The following PHACTR4 variants were observed in gnomAD, a reference collection of about 807,000 sequenced individuals.
PHACTR4 encodes the protein phosphatase and actin regulator 4.
In PHACTR4, 51 loss-of-function variants were observed where a neutral mutation model predicts 72.7. The observed-to-expected ratio is 0.70, with a 90% CI of 0.56 to 0.89. PHACTR4 has a LOEUF of 0.89. Ranked by LOEUF, PHACTR4 falls within the 40% of genes least tolerant of loss-of-function variation. The pLI is 0.00. For missense variants in PHACTR4, 731 were observed against 861.8 expected (o/e 0.85, Z 1.90); for synonymous variants, 255 against 302.5 (o/e 0.84, Z 1.63).
chr1:28,476,285 T>C lies in PHACTR4; in HGVS notation c.1600T>C (p.Tyr534His), dbSNP rs1659913821. ...AGATGAAGAAGATGAAGATGAAAGC[T>C]ATCAGAGTAAGAAAGGGAGGGAAAA... ...YRDEEDEDES[Y>H]QSALANKVKR... is the part of the protein sequence containing the mutation. Residue 534 changes from tyrosine (Y) to histidine (H), a missense_variant, in exon 8 of 14, where the codon TAT (tyrosine) becomes CAT (histidine). Physicochemically the swap from Tyr to His is moderately conservative, Grantham distance 83. Coordinates refer to ENST00000373839, the MANE Select transcript of PHACTR4 (RefSeq NM_001048183.3). 2 of 1,593,692 alleles carry C rather than the reference T, an allele frequency of 1.3e-6. No homozygotes were observed. Among genetic ancestry groups the C allele is most frequent in the Non-Finnish European group, 1.7e-6 (2 of 1,173,814 alleles).
intron 2 of PHACTR4, chr1:28,438,506 T>C (rs938812997): frequency 5.9e-6 from 9 of 1,523,056 alleles, no homozygotes; most frequent in Middle Eastern, 1.7e-4. Flanking sequence ...TGAGTATTTA[T>C]GTGAAGTTAA....
At chr1:28,385,406 T>G (rs1010406261) in intron 1 of PHACTR4, among the ~76,000 whole-genome samples, 1 of 151,714 alleles carries the variant, frequency 6.6e-6, no homozygotes, top group African/African-American at 2.4e-5. Flanking sequence ...TAGCCAGGCA[T>G]GGTGGTGCAT....
chr1:28,387,252 C>A (rs1172577720), intron 1 of PHACTR4, among the ~76,000 whole-genome samples: 1 of 131,922 alleles, frequency 7.6e-6, no homozygotes. Context: ...AGAGCGAGAC[C>A]CTGTCTCAAA....
At chr1:28,441,850 A>C (rs1657057745) in intron 2 of PHACTR4, among the ~76,000 whole-genome samples, 1 of 151,938 alleles carries the variant, frequency 6.6e-6, no homozygotes, top group South Asian at 2.1e-4. Context: ...AAATTTAGCC[A>C]CTGTGGTGGT....
Position 28,474,151 on chromosome 1 carries a change from T to C in PHACTR4, c.1421T>C (p.Val474Ala), listed in dbSNP as rs1281687068. Residue 474 changes from valine (V) to alanine (A), a missense_variant and splice_region_variant, in exon 7 of 14, where the codon GTT becomes GCT. Coordinates refer to ENST00000373839, the MANE Select transcript of PHACTR4 (RefSeq NM_001048183.3). ...CCCATCACTATTGAAATGCTAAAAG[T>C]GTAAGTGCCTTTAAAGCTTGCCTCT... ...SLPITIEMLKVPDDEEEEEQT... is the reference protein window; with the variant it reads ...SLPITIEMLKAPDDEEEEEQT... 1 of 1,601,672 alleles carries C rather than the reference T, an allele frequency of 6.2e-7. No homozygotes were observed. Among genetic ancestry groups the C allele is most frequent in the African/African-American group, 1.3e-5 (1 of 74,432 alleles).
At chr1:28,380,010 G>A (rs976785831) in intron 1 of PHACTR4, among the ~76,000 whole-genome samples, 4 of 146,608 alleles carry the variant, frequency 2.7e-5, no homozygotes, top group African/African-American at 1.0e-4. Flanking sequence ...TAATTTAGAT[G>A]TGTGGGATAA....
chr1:28,388,321 A>T (rs1022953613), intron 1 of PHACTR4, among the ~76,000 whole-genome samples: 8 of 152,222 alleles, frequency 5.3e-5, no homozygotes, highest in Non-Finnish European at 8.8e-5. Flanking sequence ...ATTTCAAAAT[A>T]TGCGACAAAA....
At chr1:28,375,316 CCCCCACCCA>C (rs1651565556) in intron 1 of PHACTR4, among the ~76,000 whole-genome samples, 1 of 139,796 alleles carries the variant, frequency 7.2e-6, no homozygotes, top group African/African-American at 2.7e-5. Context: ...CCCCTGCCCG[CCCCCACCCA>C]CCCCCCCAAA....
chr1:28,420,732 C>T (rs926635896), intron 2 of PHACTR4, among the ~76,000 whole-genome samples: 1 of 152,106 alleles, frequency 6.6e-6, no homozygotes, highest in Non-Finnish European at 1.5e-5. Flanking sequence ...ATCTCAGCAA[C>T]ATAGCCCATA....
At chr1:28,421,139 CTA>C (rs1271585575) in intron 2 of PHACTR4, among the ~76,000 whole-genome samples, 1 of 152,174 alleles carries the variant, frequency 6.6e-6, no homozygotes, top group Non-Finnish European at 1.5e-5. Flanking sequence ...TCTGCATGTC[CTA>C]TCTTATTCAA....
intron 13 of PHACTR4, among the ~76,000 whole-genome samples, chr1:28,493,897 G>A (rs558757296): frequency 6.6e-6 from 1 of 152,106 alleles, no homozygotes; most frequent in Non-Finnish European, 1.5e-5. Flanking sequence ...TTAATTAGCT[G>A]TCTTCATGAA....
chr1:28,442,130 C>T (rs188945100), intron 2 of PHACTR4, among the ~76,000 whole-genome samples: 6 of 152,244 alleles, frequency 3.9e-5, no homozygotes, highest in African/African-American at 1.4e-4. Flanking sequence ...TTAAATTAGG[C>T]ACAAGACCGA....
At chr1:28,415,484 A>G (rs904801703) in intron 2 of PHACTR4, among the ~76,000 whole-genome samples, 1 of 152,170 alleles carries the variant, frequency 6.6e-6, no homozygotes, top group East Asian at 1.9e-4. Flanking sequence ...AGCATACCAG[A>G]ACAAAAGGGA....
chr1:28,378,000 A>AT (rs1462491432), intron 1 of PHACTR4, among the ~76,000 whole-genome samples: 1 of 149,762 alleles, frequency 6.7e-6, no homozygotes, highest in Non-Finnish European at 1.5e-5. Context: ...GATTGAGACC[A>AT]TCCTGGCTAA....
chr1:28,370,486 G>A (rs1651153522), intron 1 of PHACTR4, among the ~76,000 whole-genome samples: 1 of 152,058 alleles, frequency 6.6e-6, no homozygotes, highest in Non-Finnish European at 1.5e-5. Flanking sequence ...AATTTGCTGC[G>A]ATGTCTGTGC....
chr1:28,490,534 AAAAAAAAAAG>A (rs1402208960), intron 10 of PHACTR4, among the ~76,000 whole-genome samples: 8 of 151,644 alleles, frequency 5.3e-5, no homozygotes, highest in South Asian at 2.1e-4. Flanking sequence ...TCCATCTCAA[AAAAAAAAAAG>A]AAAAAAAAAG....
intron 3 of PHACTR4, 99 bp downstream of exon 3, chr1:28,459,357 T>TAGAGGAC: frequency 9.8e-7 from 1 of 1,019,320 alleles, no homozygotes; most frequent in Non-Finnish European, 1.4e-6. Flanking sequence ...TAGTCCTCTA[T>TAGAGGAC]TTGAAGAGGG....
chr1:28,420,047 C>T (rs905274988), intron 2 of PHACTR4, among the ~76,000 whole-genome samples: 6 of 152,074 alleles, frequency 3.9e-5, no homozygotes, highest in Admixed American at 6.6e-5. Context: ...GCAGGCAAAT[C>T]GTCTGAGCGC....
chr1:28,474,567 G>A (rs1352825647), intron 7 of PHACTR4, among the ~76,000 whole-genome samples: 3 of 151,700 alleles, frequency 2.0e-5, no homozygotes, highest in South Asian at 4.2e-4. Context: ...TTCCGAGATG[G>A]AGTCCTGCTC....
Sources: gnomAD v4.1 joint callset for allele counts (sites outside exome capture counted in the v4.1 genomes callset) on GRCh38, gnomAD v4.1.1 for gene constraint, MANE v1.5 for transcripts, NCBI Gene and HGNC (gene_info 2026-07-23, HGNC 2026-07-21) for gene names.